ANXA4: variants seen among roughly 807,000 people sequenced by gnomAD.
ANXA4 encodes the protein 35-beta calcimedin.
Under a neutral mutation model 49.8 loss-of-function variants are expected in ANXA4, and 39 were observed. The observed-to-expected ratio is 0.78, with a 90% CI of 0.61 to 1.02. The LOEUF is 1.02. ANXA4 is among the 50% of genes least tolerant of loss of function. The pLI is 0.00. For synonymous variants in ANXA4, 134 were observed against 152.5 expected, an observed-to-expected ratio of 0.88 and a Z score of 0.89; for missense variants, 360 against 410.1, an observed-to-expected ratio of 0.88 and a Z score of 1.05.
chr2:69,781,412 G>T, intron 1 of ANXA4, 108 bp from the exon 2 acceptor site: 1 of 841,000 alleles, frequency 1.2e-6, no homozygotes, highest in South Asian at 1.5e-5. Flanking sequence ...ATTAAGTTGG[G>T]TGTCATTTCC....
At chr2:69,810,717 C>T in intron 7 of ANXA4, 44 bp downstream of exon 7, 1 of 1,479,462 alleles carries the variant, frequency 6.8e-7, no homozygotes, top group Non-Finnish European at 9.4e-7. Context: ...ATCGAAATGT[C>T]CACTCTATCC....
At chr2:69,656,227 A>ATG (rs1362649383) in intron 2 of ANXA4, among the ~76,000 whole-genome samples, 1 of 134,062 alleles carries the variant, frequency 7.5e-6, no homozygotes, top group Non-Finnish European at 1.6e-5. Flanking sequence ...ATATGTATAT[A>ATG]TGTATATATA....
At chr2:69,684,545 T>C (rs1317597922) in intron 2 of ANXA4, among the ~76,000 whole-genome samples, 1 of 151,668 alleles carries the variant, frequency 6.6e-6, no homozygotes, top group Non-Finnish European at 1.5e-5. Context: ...TATCCAGGCA[T>C]GGTGGGGTGG....
At chr2:69,795,228 T>A (rs935362993) in intron 3 of ANXA4, among the ~76,000 whole-genome samples, 1 of 151,860 alleles carries the variant, frequency 6.6e-6, no homozygotes, top group Non-Finnish European at 1.5e-5. Context: ...TCCAAATGAG[T>A]GAGGGCTGTT....
rs536586876 is a variant in ANXA4 at position 69,765,120 on chromosome 2, A to T, written c.-46-16400A>T. Among the ~76,000 whole-genome samples the T allele has an allele frequency of 2.0e-5, 3 of 152,168 alleles. No homozygotes were observed. In the South Asian group the frequency reaches 6.2e-4, roughly 32 times the overall value. On this transcript the variant is annotated intron_variant, in intron 1 of 12. Coordinates refer to ENST00000394295, the MANE Select transcript of ANXA4 (RefSeq NM_001153.5). ...CACACCACATTGTGTTTATCCATTT[A>T]TCTGTTGAGGGACACTTGTTTTGCT...
intron 12 of ANXA4, 148 bp downstream of exon 12, chr2:69,820,969 C>A: frequency 1.1e-6 from 1 of 930,422 alleles, no homozygotes; most frequent in Non-Finnish European, 1.5e-6. Context: ...TCTCCTCTTT[C>A]ACACAGATAT....
chr2:69,728,341 C>T (rs1670015194), intron 3 of ANXA4, among the ~76,000 whole-genome samples: 1 of 152,174 alleles, frequency 6.6e-6, no homozygotes, highest in Non-Finnish European at 1.5e-5. Flanking sequence ...CTTGCTTACT[C>T]ACTCTCTTAG....
At chr2:69,802,572 G>A (rs962550335) in intron 3 of ANXA4, among the ~76,000 whole-genome samples, 1 of 152,038 alleles carries the variant, frequency 6.6e-6, no homozygotes, top group Admixed American at 6.5e-5. Context: ...TTAGCTGGGC[G>A]TGGTGGCGTG....
At chr2:69,651,593 C>T (rs148706955) in intron 1 of ANXA4, among the ~76,000 whole-genome samples, 9,733 of 151,818 alleles carry the variant, frequency 0.064, 1,009 homozygotes, top group East Asian at 0.36. Context: ...AGCTCCGCCT[C>T]CCGGGTTCAC....
At chr2:69,667,943 G>A (rs1204019998) in intron 2 of ANXA4, among the ~76,000 whole-genome samples, 3 of 152,180 alleles carry the variant, frequency 2.0e-5, no homozygotes, top group South Asian at 2.1e-4. Flanking sequence ...GGGACAAGCC[G>A]TCATGCTGAG....
intron 8 of ANXA4, among the ~76,000 whole-genome samples, chr2:69,813,542 C>T (rs1304508935): frequency 6.6e-6 from 1 of 151,698 alleles, no homozygotes; most frequent in African/African-American, 2.4e-5. Flanking sequence ...TGAGCCATCG[C>T]GCGTGGCCCA....
At chr2:69,709,039 A>C (rs1449908411) in intron 2 of ANXA4, among the ~76,000 whole-genome samples, 7 of 152,228 alleles carry the variant, frequency 4.6e-5, no homozygotes, top group Admixed American at 4.6e-4. Context: ...GACCAGGTTC[A>C]AAGATGCCTC....
In ANXA4 at chr2:69,764,573, C is replaced by A. The variant is rs138545087; in HGVS notation, c.-46-16947C>A. Among the ~76,000 whole-genome samples, 166 of 152,258 alleles carry A rather than the reference C, an allele frequency of 1.1e-3. 1 individual carries two copies. Among genetic ancestry groups the A allele is most frequent in the Middle Eastern group, 6.8e-3 (2 of 294 alleles). On this transcript the variant is annotated intron_variant, in intron 1 of 12. Transcript: ENST00000394295. ...CTTACTTAGGTTGAGAACTTGACCT[C>A]TTACTTAGGTTTTATACCACCATAA...
chr2:69,643,883 G>A (rs1573041614), upstream of ANXA4: 64 of 1,174,190 alleles, frequency 5.5e-5, no homozygotes, highest in Non-Finnish European at 6.7e-5. Flanking sequence ...CGCCACGGAT[G>A]GGAAGGAGTC....
chr2:69,682,005 CT>C (rs1410942911), intron 2 of ANXA4, among the ~76,000 whole-genome samples: 1 of 151,892 alleles, frequency 6.6e-6, no homozygotes, highest in Non-Finnish European at 1.5e-5. Flanking sequence ...TCTGGCTAAA[CT>C]TTTTTAATGT....
chr2:69,720,349 T>C (rs1559109644), intron 2 of ANXA4, among the ~76,000 whole-genome samples: 2 of 152,206 alleles, frequency 1.3e-5, no homozygotes, highest in Non-Finnish European at 2.9e-5. Flanking sequence ...CACGCAGGCT[T>C]TGCCAACTGC....
intron 1 of ANXA4, among the ~76,000 whole-genome samples, chr2:69,756,954 G>A (rs1201532486): frequency 2.8e-5 from 4 of 144,302 alleles, no homozygotes; most frequent in African/African-American, 1.0e-4. Context: ...TTTAGACAGA[G>A]TCTCACTCTG....
upstream of ANXA4, among the ~76,000 whole-genome samples, chr2:69,738,377 C>T (rs1670297715): frequency 6.6e-6 from 1 of 152,114 alleles, no homozygotes; most frequent in Non-Finnish European, 1.5e-5. Context: ...TTCTAGGAGC[C>T]AAGCGGGAAG....
At chr2:69,706,367 C>T (rs1468946417) in intron 2 of ANXA4, among the ~76,000 whole-genome samples, 11 of 122,272 alleles carry the variant, frequency 9.0e-5, no homozygotes, top group Non-Finnish European at 1.6e-5. Flanking sequence ...GTGGTTCGAT[C>T]TCAGCTCACT....
Sources: allele counts gnomAD v4.1 joint callset (sites outside exome capture counted in the v4.1 genomes callset), GRCh38; gene constraint gnomAD v4.1.1; transcripts MANE v1.5; gene names NCBI Gene and HGNC (gene_info 2026-07-23, HGNC 2026-07-21).